Variants in ABLIM2 observed in about 807,000 individuals in gnomAD.
ABLIM2 encodes actin-binding LIM protein 2.
Under a neutral mutation model 97.7 loss-of-function variants are expected in ABLIM2, and 53 were observed. The observed-to-expected ratio is 0.54, with a 90% confidence interval of 0.44 to 0.68. The LOEUF is 0.68. ABLIM2 is among the 30% of genes least tolerant of loss of function. The pLI is 0.00. For synonymous variants in ABLIM2, 361 were observed against 345.8 expected, an observed-to-expected ratio of 1.04 and a Z score of -0.49; for missense variants, 835 against 867.2, an observed-to-expected ratio of 0.96 and a Z score of 0.47.
At chr4:8,145,498 A>T (rs1431783283) in intron 1 of ABLIM2, among the ~76,000 whole-genome samples, 2 of 152,006 alleles carry the variant, frequency 1.3e-5, no homozygotes, top group Non-Finnish European at 1.5e-5. Context: ...ATTGATTTTC[A>T]TTAGACAAAT....
chr4:7,973,295 G>C (rs1729781682), intron 20 of ABLIM2, among the ~76,000 whole-genome samples: 2 of 151,802 alleles, frequency 1.3e-5, no homozygotes, highest in African/African-American at 4.8e-5. Flanking sequence ...TAGATCAGGA[G>C]TTCGTGACCA....
intron 7 of ABLIM2, among the ~76,000 whole-genome samples, chr4:8,055,374 G>T (rs1242634923): frequency 6.6e-6 from 1 of 151,080 alleles, no homozygotes; most frequent in Non-Finnish European, 1.5e-5. Context: ...GCTGCCCCCT[G>T]CGATGGGCTG....
chr4:7,988,726 C>A (rs566000836), intron 17 of ABLIM2, among the ~76,000 whole-genome samples: 1 of 152,220 alleles, frequency 6.6e-6, no homozygotes, highest in East Asian at 1.9e-4. Flanking sequence ...GTTATTTGTC[C>A]TCAAAAAGAC....
rs201721300 is a variant in ABLIM2 at position 7,992,946 on chromosome 4, A to G, written c.1619-19T>C. The G allele has an allele frequency of 2.6e-4, 422 of 1,611,138 alleles. 3 individuals carry two copies. In the African/African-American group the frequency reaches 5.1e-3, roughly 19 times the overall value. Reference sequence around the variant, plus strand: ...GGGAATCCTGAAACAGACACAGCACAGCTTTGTCACGCGCGCAGACTCGGT... The same window carrying G: ...GGGAATCCTGAAACAGACACAGCACGGCTTTGTCACGCGCGCAGACTCGGT... On this transcript the variant is annotated intron_variant, in intron 16 of 20. Transcript: ENST00000447017. This position sits in a 1 kb window ranked among gnomAD's most constrained non-coding sequence, Gnocchi z 5.7.
Position 8,108,922 on chromosome 4 carries a change from C to T in ABLIM2, c.11-2285G>A, listed in dbSNP as rs149563817. On this transcript the variant is annotated intron_variant, in intron 1 of 20. Coordinates refer to ENST00000447017, the MANE Select transcript of ABLIM2 (RefSeq NM_001130083.2). Reference sequence around the variant, plus strand: ...CGGCCTTGAGACCAGGCTGTGGGTGCGATGGTCTATTTCGGGGACCCCAGG... The same window carrying T: ...CGGCCTTGAGACCAGGCTGTGGGTGTGATGGTCTATTTCGGGGACCCCAGG... Among the ~76,000 whole-genome samples the T allele has an allele frequency of 7.2e-5, 11 of 152,324 alleles. No homozygotes were observed. In the South Asian group the frequency reaches 1.9e-3, roughly 26 times the overall value.
At chr4:8,014,999 C>T (rs1767871161) in intron 14 of ABLIM2, among the ~76,000 whole-genome samples, 1 of 151,738 alleles carries the variant, frequency 6.6e-6, no homozygotes, top group Admixed American at 6.6e-5. Context: ...CGGCTCACTG[C>T]AACCTCCGCC....
intron 15 of ABLIM2, among the ~76,000 whole-genome samples, 161 bp from the exon 16 acceptor site, chr4:8,008,361 G>GCC (rs1359185737): frequency 2.0e-5 from 3 of 152,170 alleles, no homozygotes; most frequent in Admixed American, 2.0e-4. Flanking sequence ...TAAAAATCTT[G>GCC]CCATTTAGTG....
chr4:8,056,130 A>C (rs201138361), intron 7 of ABLIM2, among the ~76,000 whole-genome samples: 4,237 of 131,592 alleles, frequency 0.032, 326 homozygotes, highest in Middle Eastern at 0.087. Context: ...AAAAAAAAAA[A>C]AAAAAAAAAG....
chr4:7,987,932 A>G (rs1578016392), intron 17 of ABLIM2, among the ~76,000 whole-genome samples: 1 of 152,324 alleles, frequency 6.6e-6, no homozygotes, highest in East Asian at 1.9e-4. Flanking sequence ...ACTGCCTGGC[A>G]TATTCCTGGC....
At chr4:8,052,728 C>T (rs999770303) in intron 8 of ABLIM2, among the ~76,000 whole-genome samples, 1 of 152,228 alleles carries the variant, frequency 6.6e-6, no homozygotes, top group Non-Finnish European at 1.5e-5. Context: ...CCTGCAGCTT[C>T]GCTCAGACGG....
chr4:8,047,287 C>T (rs1320058197), intron 8 of ABLIM2, among the ~76,000 whole-genome samples: 2 of 152,158 alleles, frequency 1.3e-5, no homozygotes, highest in African/African-American at 4.8e-5. Context: ...TCCGCTCCAC[C>T]GGCCCAGGTC....
intron 15 of ABLIM2, 134 bp from the exon 16 acceptor site, chr4:8,008,334 A>G (rs1762708722): frequency 2.5e-6 from 2 of 810,420 alleles, no homozygotes. Flanking sequence ...TCAATATGTG[A>G]GAGATGCAGC....
At position 8,106,641 on chromosome 4, in the gene ABLIM2, T is replaced by C. The variant is rs780333078; in HGVS notation, c.11-4A>G. ...GGAGCAGCCTGGGGCTGCGACACTG[T>C]TGGGAAAGAGAGAAGAGCAGCGTTC... is the stretch of plus-strand genomic sequence containing the variant. On this transcript the variant is annotated splice_polypyrimidine_tract_variant and splice_region_variant and intron_variant, in intron 1 of 20. Transcript: ENST00000447017. 23 of 1,603,236 alleles carry C rather than the reference T, an allele frequency of 1.4e-5. No individual in the cohort carries two copies. In the East Asian group the frequency reaches 3.3e-4, roughly 23 times the overall value.
rs1029026644 is a variant in ABLIM2 at position 8,127,472 on chromosome 4, T to A, written c.11-20835A>T. On this transcript the variant is annotated intron_variant, in intron 1 of 20. Transcript: ENST00000447017. The surrounding 1 kb of genome is among the most constrained non-coding windows in gnomAD (Gnocchi z 7.3). ...GATTCATGGAGCTCACAGCTCCCAGTCCCCTGAAGCTGACTCATGGAGCTC... is the reference window on the plus strand; with the variant it reads ...GATTCATGGAGCTCACAGCTCCCAGACCCCTGAAGCTGACTCATGGAGCTC... The A allele has an allele frequency of 2.3e-6, 3 of 1,282,494 alleles. No homozygotes were observed. The highest frequency in any genetic ancestry group is 3.1e-6 in the Non-Finnish European group (3 of 982,940). The allele number at this position is 1,282,494 out of a possible 1,614,324, so 79.4% of individuals were successfully genotyped here.
At chr4:8,131,687 CCGCA>C (rs1480246297) in intron 1 of ABLIM2, among the ~76,000 whole-genome samples, 59 of 115,806 alleles carry the variant, frequency 5.1e-4, no homozygotes, top group African/African-American at 1.9e-3. Flanking sequence ...GCACAGCAGC[CCGCA>C]TCCCCAGCAC....
chr4:7,983,511 C>A (rs749446854), intron 19 of ABLIM2, 36 bp downstream of exon 19: 1 of 1,612,304 alleles, frequency 6.2e-7, no homozygotes, highest in Admixed American at 1.7e-5. Flanking sequence ...AGGTGTGGCG[C>A]GGCACGGAGG....
rs552764556 is a variant in ABLIM2 at position 8,123,548 on chromosome 4, C to T, written c.11-16911G>A. Among the ~76,000 whole-genome samples, 3 of 152,144 alleles carry T rather than the reference C, an allele frequency of 2.0e-5. No homozygotes were observed. The highest frequency in any genetic ancestry group is 2.1e-4 in the South Asian group (1 of 4,820). On this transcript the variant is annotated intron_variant, in intron 1 of 20. Transcript: ENST00000447017. This position sits in a 1 kb window ranked among gnomAD's most constrained non-coding sequence, Gnocchi z 6.2. Reference sequence around the variant, plus strand: ...TCCGGCATGTCTAATTAAAACTGGTCGTCGGGATGGCTGGCCTGGAGCCCA... The same window carrying T: ...TCCGGCATGTCTAATTAAAACTGGTTGTCGGGATGGCTGGCCTGGAGCCCA...
Position 7,986,071 on chromosome 4 carries a change from C to T in ABLIM2, c.1681-1178G>A, listed in dbSNP as rs538084791. ...CCTGTTGAAGAAAATGTCTTATTCA[C>T]GCTTCGTTCCCCAGCACCTGGAACG... On this transcript the variant is annotated intron_variant, in intron 17 of 20. Transcript: ENST00000447017. The surrounding 1 kb of genome is among the most constrained non-coding windows in gnomAD (Gnocchi z 4.3). Among the ~76,000 whole-genome samples, 13 of 152,200 alleles carry T rather than the reference C, an allele frequency of 8.5e-5. No homozygotes were observed. Among genetic ancestry groups the T allele is most frequent in the East Asian group, 3.9e-4 (2 of 5,184 alleles).
chr4:7,971,077 A>T (rs1198605793), intron 20 of ABLIM2, among the ~76,000 whole-genome samples: 1 of 152,112 alleles, frequency 6.6e-6, no homozygotes. Context: ...CAGCTGTGGA[A>T]TTCTGAGTGT....
Sources: allele counts gnomAD v4.1 joint callset (sites outside exome capture counted in the v4.1 genomes callset), GRCh38; gene constraint gnomAD v4.1.1; non-coding constraint Gnocchi (gnomAD v3.1); transcripts MANE v1.5; gene names NCBI Gene and HGNC (gene_info 2026-07-23, HGNC 2026-07-21).